The following MRPL13 variants were observed in gnomAD, a reference collection of about 807,000 sequenced individuals.
MRPL13 encodes the protein large ribosomal subunit protein uL13m.
MRPL13 carries 33 observed loss-of-function variants against 29.0 expected under a neutral mutation model. The observed-to-expected ratio is 1.14, with a 90% CI of 0.86 to 1.52. MRPL13 has a LOEUF of 1.52. Ranked by LOEUF, MRPL13 falls within the 40% of genes most tolerant of loss-of-function variation. MRPL13 has a pLI of 0.00. For synonymous variants in MRPL13, 77 were observed against 68.4 expected (o/e 1.13, Z -0.62); for missense variants, 227 against 216.7 (o/e 1.05, Z -0.30).
intron 6 of MRPL13, among the ~76,000 whole-genome samples, chr8:120,398,092 C>A (rs931161226): frequency 6.6e-6 from 1 of 152,180 alleles, no homozygotes; most frequent in Non-Finnish European, 1.5e-5. Context: ...TGAAGCAGTC[C>A]GGATGGGGAT....
chr8:120,401,093 G>C (rs780494753), intron 6 of MRPL13, among the ~76,000 whole-genome samples: 2 of 152,070 alleles, frequency 1.3e-5, no homozygotes, highest in Non-Finnish European at 2.9e-5. Flanking sequence ...CTGGTACCAT[G>C]GCTACTGAAA....
chr8:120,433,444 T>A (rs1453733439), intron 2 of MRPL13, among the ~76,000 whole-genome samples: 1 of 152,128 alleles, frequency 6.6e-6, no homozygotes, highest in Non-Finnish European at 1.5e-5. Flanking sequence ...AAAAATGGAA[T>A]CTTTAAACTT....
chr8:120,407,752 T>G (rs778852289), intron 6 of MRPL13, among the ~76,000 whole-genome samples: 4 of 152,192 alleles, frequency 2.6e-5, no homozygotes, highest in African/African-American at 4.8e-5. Flanking sequence ...AAAAATTCCC[T>G]ATTTCAGCTG....
chr8:120,417,139 T>C (rs940912063), intron 5 of MRPL13, among the ~76,000 whole-genome samples: 5 of 152,212 alleles, frequency 3.3e-5, no homozygotes. Flanking sequence ...CATGATTACA[T>C]TCAGGTTAAG....
chr8:120,400,352 C>T (rs185324812), intron 6 of MRPL13, among the ~76,000 whole-genome samples: 35 of 151,956 alleles, frequency 2.3e-4, no homozygotes, highest in Non-Finnish European at 2.4e-4. Flanking sequence ...ATATGGAAAC[C>T]GAACAATCTG....
intron 3 of MRPL13, 87 bp from the exon 4 acceptor site, chr8:120,425,453 TAATA>T: frequency 1.1e-6 from 1 of 925,970 alleles, no homozygotes; most frequent in South Asian, 1.7e-5. Flanking sequence ...AAAACTATTT[TAATA>T]AATTGTTTCT....
intron 4 of MRPL13, among the ~76,000 whole-genome samples, chr8:120,424,331 A>T (rs1400162485): frequency 6.6e-6 from 1 of 152,186 alleles, no homozygotes; most frequent in Non-Finnish European, 1.5e-5. Context: ...AAAAAAATAA[A>T]AAATAAATAA....
chr8:120,395,839 CTAAA>C lies in MRPL13; in HGVS notation c.*261_*264del, dbSNP rs1812516373. ...CTGTTTTTTATCATTAAATGCAACA[CTAAA>C]TAGTCAACCAAGTAAGTGATTTTAT... On this transcript the variant is annotated 3_prime_UTR_variant, in exon 7 of 7. Transcript: ENST00000306185. The C allele has an allele frequency of 9.0e-6, 3 of 334,004 alleles. No homozygotes were observed. Among genetic ancestry groups the C allele is most frequent in the East Asian group, 5.9e-5 (1 of 16,940 alleles). The allele number at this position is 334,004 out of a possible 1,614,324, so 20.7% of individuals were successfully genotyped here.
intron 6 of MRPL13, among the ~76,000 whole-genome samples, chr8:120,403,916 A>C (rs1812634863): frequency 1.3e-5 from 2 of 152,194 alleles, no homozygotes; most frequent in South Asian, 4.1e-4. Flanking sequence ...GATCTGGGAA[A>C]CTAGCCAGGT....
intron 2 of MRPL13, among the ~76,000 whole-genome samples, chr8:120,442,959 G>A (rs535202848): frequency 6.6e-6 from 1 of 152,264 alleles, no homozygotes; most frequent in East Asian, 1.9e-4. Flanking sequence ...ATTTCGCTGG[G>A]CAGTGGCATA....
intron 1 of MRPL13, chr8:120,444,867 A>T (rs1208408339): frequency 3.5e-5 from 13 of 374,974 alleles, no homozygotes; most frequent in East Asian, 6.9e-5. Context: ...GGGCAGATTG[A>T]AAAGAAGAGG....
chr8:120,400,428 T>C (rs1812577858), intron 6 of MRPL13, among the ~76,000 whole-genome samples: 2 of 152,042 alleles, frequency 1.3e-5, no homozygotes, highest in South Asian at 4.1e-4. Context: ...TTGAAACTAA[T>C]GAGAATGAAG....
At chr8:120,437,246 T>A (rs1228052603) in intron 2 of MRPL13, among the ~76,000 whole-genome samples, 1 of 152,218 alleles carries the variant, frequency 6.6e-6, no homozygotes, top group Non-Finnish European at 1.5e-5. Context: ...TAAGCAACTT[T>A]AAGAACAGCA....
intron 6 of MRPL13, among the ~76,000 whole-genome samples, chr8:120,406,555 A>ATGTGTGTGTGTG (rs72150915): frequency 8.8e-5 from 13 of 147,168 alleles, no homozygotes; most frequent in Admixed American, 2.0e-4. Flanking sequence ...ATATGTGTGC[A>ATGTGTGTGTGTG]TGTGTGTGTG....
intron 6 of MRPL13, among the ~76,000 whole-genome samples, chr8:120,401,779 G>A (rs1393377793): frequency 1.3e-5 from 2 of 152,104 alleles, no homozygotes; most frequent in African/African-American, 4.8e-5. Context: ...AGCTTCTTAA[G>A]CTGATAAGCA....
chr8:120,432,197 A>G, intron 2 of MRPL13, 74 bp from the exon 3 acceptor site: 3 of 1,054,990 alleles, frequency 2.8e-6, no homozygotes, highest in Non-Finnish European at 2.7e-6. Context: ...GGTTATTTAT[A>G]AAGCTTATCA....
intron 5 of MRPL13, among the ~76,000 whole-genome samples, chr8:120,419,108 A>T (rs977645970): frequency 2.0e-5 from 3 of 152,098 alleles, no homozygotes; most frequent in Admixed American, 1.3e-4. Context: ...GCAATCTACA[A>T]GTGTATTTTA....
At chr8:120,442,644 G>A (rs1813137098) in intron 2 of MRPL13, among the ~76,000 whole-genome samples, 2 of 152,152 alleles carry the variant, frequency 1.3e-5, no homozygotes, top group African/African-American at 4.8e-5. Context: ...GGTAAATGAA[G>A]TCTATCAAAA....
chr8:120,416,599 G>A (rs2130464678), intron 5 of MRPL13, among the ~76,000 whole-genome samples: 1 of 152,202 alleles, frequency 6.6e-6, no homozygotes, highest in South Asian at 2.1e-4. Context: ...AGAAACAGGG[G>A]TCAAGTGATC....
Sources: gnomAD v4.1 joint callset for allele counts (sites outside exome capture counted in the v4.1 genomes callset) on GRCh38, gnomAD v4.1.1 for gene constraint, MANE v1.5 for transcripts, NCBI Gene and HGNC (gene_info 2026-07-23, HGNC 2026-07-21) for gene names.